CSMD1: variants seen among roughly 807,000 people sequenced by gnomAD.
CSMD1 encodes CUB and sushi domain-containing protein 1.
Under a neutral mutation model 417.5 loss-of-function variants are expected in CSMD1, and 213 were observed. The ratio of observed to expected loss-of-function variants is 0.51; its 90% confidence interval spans 0.46 to 0.57. The LOEUF (loss-of-function observed/expected upper bound fraction) is 0.57, where lower values mean the gene tolerates loss of function less well. Ranked by LOEUF, CSMD1 falls within the 20% of genes least tolerant of loss-of-function variation. The pLI, the probability that CSMD1 is intolerant of heterozygous loss-of-function variation, is 0.00. For missense variants in CSMD1, 6,923 were observed against 4,529.7 expected (o/e 1.53, Z -15.17); for synonymous variants, 2,862 against 1,736.8 (o/e 1.65, Z -16.11).
intron 3 of CSMD1, among the ~76,000 whole-genome samples, chr8:4,078,805 G>A (rs1452981193): frequency 6.7e-6 from 1 of 148,692 alleles, no homozygotes; most frequent in Non-Finnish European, 1.5e-5. Context: ...GGAGGCCAAG[G>A]CAGGTAGATT....
chr8:3,106,507 T>G, intron 46 of CSMD1, 21 bp downstream of exon 46: 2 of 1,458,640 alleles, frequency 1.4e-6, no homozygotes, highest in Middle Eastern at 1.7e-4. Flanking sequence ...TTATGTAGTT[T>G]TAGTATCGAA....
intron 40 of CSMD1, among the ~76,000 whole-genome samples, chr8:3,148,019 C>T (rs1434594980): frequency 5.9e-5 from 9 of 152,072 alleles, no homozygotes; most frequent in African/African-American, 1.9e-4. Context: ...TTTTGTGTGA[C>T]GTCAGTTGAA....
intron 2 of CSMD1, among the ~76,000 whole-genome samples, chr8:4,558,899 C>CA (rs1161648132): frequency 6.9e-6 from 1 of 145,046 alleles, no homozygotes; most frequent in Non-Finnish European, 1.5e-5. Context: ...CAAATCAAAA[C>CA]AAAACAAAAA....
intron 3 of CSMD1, among the ~76,000 whole-genome samples, chr8:4,213,970 G>T (rs1019688197): frequency 2.6e-5 from 4 of 152,140 alleles, no homozygotes; most frequent in Admixed American, 6.5e-5. Flanking sequence ...TTTAACACAT[G>T]GTGTCTTTCA....
At chr8:3,507,286 CTAAGAA>C (rs1204212612) in intron 10 of CSMD1, among the ~76,000 whole-genome samples, 4 of 152,064 alleles carry the variant, frequency 2.6e-5, no homozygotes, top group Admixed American at 6.6e-5. Flanking sequence ...CATCTCATTA[CTAAGAA>C]TATTTTTTAG....
At chr8:4,140,433 G>C (rs986865237) in intron 3 of CSMD1, among the ~76,000 whole-genome samples, 1 of 150,928 alleles carries the variant, frequency 6.6e-6, no homozygotes, top group Non-Finnish European at 1.5e-5. Flanking sequence ...GGGAAGTGGA[G>C]GTTGCCGTGA....
At chr8:3,957,556 T>C (rs1812040248) in intron 5 of CSMD1, among the ~76,000 whole-genome samples, 3 of 152,116 alleles carry the variant, frequency 2.0e-5, no homozygotes, top group Admixed American at 1.3e-4. Flanking sequence ...TGGCGGGGCA[T>C]ACTTGTAGTC....
intron 1 of CSMD1, among the ~76,000 whole-genome samples, chr8:4,768,495 C>G (rs6558916): frequency 0.9 from 137,607 of 152,248 alleles, 63,239 homozygotes; most frequent in Non-Finnish European, 0.98. Flanking sequence ...GTGCTTAGCT[C>G]CTTAGCTGAG....
At chr8:4,619,813 T>C (rs1383782752) in intron 2 of CSMD1, among the ~76,000 whole-genome samples, 1 of 152,104 alleles carries the variant, frequency 6.6e-6, no homozygotes, top group Non-Finnish European at 1.5e-5. Context: ...CACATATCAG[T>C]TGAAATAATA....
chr8:3,966,169 G>C (rs1038344868), intron 5 of CSMD1, among the ~76,000 whole-genome samples: 1 of 152,142 alleles, frequency 6.6e-6, no homozygotes, highest in Non-Finnish European at 1.5e-5. Flanking sequence ...GACGGCAAAG[G>C]AGAAAATGTC....
intron 52 of CSMD1, among the ~76,000 whole-genome samples, chr8:3,012,922 T>A (rs1044427416): frequency 6.6e-6 from 1 of 152,160 alleles, no homozygotes. Context: ...TCTGTTCTCA[T>A]GGTAGTAAAT....
intron 1 of CSMD1, among the ~76,000 whole-genome samples, chr8:4,943,611 T>G (rs1388403392): frequency 4.6e-5 from 7 of 152,184 alleles, no homozygotes; most frequent in South Asian, 4.1e-4. Context: ...ATCTCATATA[T>G]CAAATGAAAA....
intron 5 of CSMD1, among the ~76,000 whole-genome samples, chr8:3,876,316 C>A (rs781314419): frequency 6.6e-6 from 1 of 152,094 alleles, no homozygotes; most frequent in Admixed American, 6.6e-5. Context: ...AAAGGTGATG[C>A]ACATTTCAAA....
chr8:4,327,238 G>T (rs751139334), intron 3 of CSMD1, among the ~76,000 whole-genome samples: 1 of 152,158 alleles, frequency 6.6e-6, no homozygotes, highest in African/African-American at 2.4e-5. Flanking sequence ...GTTTTCATTA[G>T]TGTTTAATAC....
chr8:4,080,979 A>C (rs1344992704), intron 3 of CSMD1, among the ~76,000 whole-genome samples: 1 of 152,092 alleles, frequency 6.6e-6, no homozygotes, highest in Non-Finnish European at 1.5e-5. Flanking sequence ...GCCCTTATAC[A>C]AGAGGCTTCA....
Position 3,162,154 on chromosome 8 carries a change from G to A in CSMD1, c.5844+5C>T, listed in dbSNP as rs554868912. On this transcript the variant is annotated splice_donor_5th_base_variant and intron_variant, in intron 38 of 69. Coordinates refer to ENST00000635120, the MANE Select transcript of CSMD1 (RefSeq NM_033225.6). Reference sequence around the variant, plus strand: ...GTTATTCCTGAGCACTGAGAAGAAGGATACCTGCAGGGTGTACCCGGGCTC... The same window carrying A: ...GTTATTCCTGAGCACTGAGAAGAAGAATACCTGCAGGGTGTACCCGGGCTC... The A allele has an allele frequency of 1.3e-6, 2 of 1,571,912 alleles. No homozygotes were observed. Among genetic ancestry groups the A allele is most frequent in the South Asian group, 1.1e-5 (1 of 87,236 alleles).
At position 4,530,314 on chromosome 8, in the gene CSMD1, C is replaced by CTTTTTTTTTTTTTTTTTTTT. The variant is rs759268228; in HGVS notation, c.302+107008_302+107027dup. Among the ~76,000 whole-genome samples the CTTTTTTTTTTTTTTTTTTTT allele has an allele frequency of 1.3e-4, 6 of 46,686 alleles. 2 individuals carry two copies. The highest frequency in any genetic ancestry group is 1.8e-4 in the Non-Finnish European group (5 of 27,188). 30.6% of individuals were successfully genotyped at this position (46,686 alleles called of 152,430 possible). Reference sequence around the variant, plus strand: ...TTCACAGTTTATCGTACAGGTAGTGCTTTTTTTTTTTTTTTTTTTTTTTTT... The same window carrying CTTTTTTTTTTTTTTTTTTTT: ...TTCACAGTTTATCGTACAGGTAGTGCTTTTTTTTTTTTTTTTTTTTTTTTTTTTTTTTTTTTTTTTTTTTT... On this transcript the variant is annotated intron_variant, in intron 2 of 69. Transcript: ENST00000635120.
chr8:4,569,645 A>G (rs118056517), intron 2 of CSMD1, among the ~76,000 whole-genome samples: 1,532 of 152,180 alleles, frequency 0.01, 4 homozygotes, highest in Middle Eastern at 0.02. Flanking sequence ...TTGGTTCCAC[A>G]TGACCTTTAG....
chr8:4,167,906 C>G (rs1373190227), intron 3 of CSMD1, among the ~76,000 whole-genome samples: 1 of 151,782 alleles, frequency 6.6e-6, no homozygotes, highest in Non-Finnish European at 1.5e-5. Flanking sequence ...GGCAGGCGGA[C>G]TGCCTGAGGT....
Sources: gnomAD v4.1 joint callset for allele counts (sites outside exome capture counted in the v4.1 genomes callset) on GRCh38, gnomAD v4.1.1 for gene constraint, MANE v1.5 for transcripts, NCBI Gene and HGNC (gene_info 2026-07-23, HGNC 2026-07-21) for gene names.